Variants in ANXA11 observed in about 807,000 individuals in gnomAD.
ANXA11 encodes the protein 56 kDa autoantigen.
ANXA11 carries 57 observed loss-of-function variants against 64.7 expected under a neutral mutation model. The observed-to-expected ratio is 0.88, with a 90% CI of 0.71 to 1.10. The LOEUF (loss-of-function observed/expected upper bound fraction) is 1.10. ANXA11 is among the 50% of genes least tolerant of loss of function. The probability of loss-of-function intolerance (pLI) is 0.00; values close to 1 mark genes in which losing one functional copy is unlikely to be tolerated. For synonymous variants in ANXA11, 260 were observed against 265.2 expected, an observed-to-expected ratio of 0.98 and a Z score of 0.19; for missense variants, 675 against 670.7, an observed-to-expected ratio of 1.01 and a Z score of -0.07.
chr10:80,159,800 A>T (rs1480748230), intron 12 of ANXA11, among the ~76,000 whole-genome samples: 1 of 152,128 alleles, frequency 6.6e-6, no homozygotes, highest in Non-Finnish European at 1.5e-5. Context: ...ATACCCCTCC[A>T]GGGCCCACTC....
intron 1 of ANXA11, among the ~76,000 whole-genome samples, chr10:80,200,437 G>C (rs2132508743): frequency 6.6e-6 from 1 of 152,306 alleles, no homozygotes; most frequent in South Asian, 2.1e-4. Flanking sequence ...AAAGACCAAA[G>C]GCATTAAATA....
chr10:80,171,765 C>T (rs901123713), intron 3 of ANXA11: 1 of 985,552 alleles, frequency 1.0e-6, no homozygotes. Context: ...AATTTCCTGC[C>T]TCCTCCTCTC....
chr10:80,182,187 T>A (rs1464803240), intron 1 of ANXA11, among the ~76,000 whole-genome samples: 1 of 138,112 alleles, frequency 7.2e-6, no homozygotes, highest in Non-Finnish European at 1.6e-5. Context: ...TATACCACTG[T>A]GGTGGGAGTG....
chr10:80,175,359 G>A (rs1001372043), intron 2 of ANXA11, among the ~76,000 whole-genome samples: 1 of 152,080 alleles, frequency 6.6e-6, no homozygotes, highest in African/African-American at 2.4e-5. Context: ...ACACCACTAG[G>A]CAGGACCTTT....
Position 80,202,210 on chromosome 10 carries a change from G to A in ANXA11, c.-58+3133C>T, listed in dbSNP as rs142273815. ...AACTGTTCTGTGGGGGGGAAGCGGG[G>A]GGTCTCTGTGTGGCTGGGTGGCTTG... On this transcript the variant is annotated intron_variant, in intron 1 of 15. Coordinates refer to ENST00000422982, the MANE Select transcript of ANXA11 (RefSeq NM_145868.2). 2.2e-3 allele frequency among the ~76,000 whole-genome samples: 335 copies of A among 151,584 alleles called. 6 individuals are homozygous for A. Among genetic ancestry groups the A allele is most frequent in the Admixed American group, 0.017 (260 of 15,250 alleles).
In ANXA11 at chr10:80,169,247, AG is replaced by A. The variant is rs759677084; in HGVS notation, c.282del (p.Ser95LeufsTer56). The A allele has an allele frequency of 6.2e-6, 10 of 1,611,740 alleles. No individual in the cohort carries two copies. Among genetic ancestry groups the A allele is most frequent in the Non-Finnish European group, 8.5e-6 (10 of 1,179,512 alleles). On this transcript the variant is annotated frameshift_variant, in exon 5 of 16. Transcript: ENST00000422982. LOFTEE classifies it high-confidence loss of function. ...PVPPGGFGQPPSAQQPVPPYG... is the reference protein window; with the variant it reads ...PVPPGGFGQPXSAQQPVPPYG... ...TAGGGAGGAACAGGCTGCTGGGCAG[AG>A]GGGGGCTGCCCAAAGCCGCCAGGGG...
chr10:80,167,124 C>A, intron 6 of ANXA11, 102 bp downstream of exon 6: 1 of 1,324,314 alleles, frequency 7.6e-7, no homozygotes, highest in Non-Finnish European at 1.1e-6. Context: ...CCACTGGGGC[C>A]AGGTCAGCGT....
Position 80,166,967 on chromosome 10 carries a change from T to G in ANXA11, c.667A>C (p.Ile223Leu). ...GAGCGACTCCCCAGGCAGTCAATGA[T>G]GGCCTGCTCATCCGTCCCTGGAGGA... ...MKGFGTDEQA[I>L]IDCLGSRSNK... The change falls in exon 7 of 16, where the codon ATC becomes CTC. Residue 223 changes from isoleucine (I) to leucine (L), a missense_variant. Coordinates refer to ENST00000422982, the MANE Select transcript of ANXA11 (RefSeq NM_145868.2). 6.2e-7 allele frequency: 1 copy of G among 1,603,470 alleles called. No individual in the cohort carries two copies. Among genetic ancestry groups the G allele is most frequent in the East Asian group, 2.3e-5 (1 of 44,362 alleles).
intron 12 of ANXA11, among the ~76,000 whole-genome samples, 191 bp downstream of exon 12, chr10:80,161,744 A>G (rs1845515598): frequency 6.6e-6 from 1 of 152,252 alleles, no homozygotes. Flanking sequence ...TAGAACCTCC[A>G]GAACTGGATG....
Position 80,167,315 on chromosome 10 carries a change from T to C in ANXA11, c.562-2A>G, listed in dbSNP as rs1190078668. On this transcript the variant is annotated splice_acceptor_variant, in intron 5 of 15. Transcript: ENST00000422982. LOFTEE classifies it high-confidence loss of function. ...AGTGATGGTGCCTCGGCTTCCAAAC[T>C]ACTCGGACAAACAGTCTCAGGTAAG... 1.2e-6 allele frequency: 2 copies of C among 1,613,968 alleles called. No homozygotes were observed. The highest frequency in any genetic ancestry group is 1.7e-6 in the Non-Finnish European group (2 of 1,179,888).
intron 1 of ANXA11, among the ~76,000 whole-genome samples, chr10:80,183,408 T>A (rs1400326315): frequency 2.6e-5 from 4 of 152,212 alleles, no homozygotes; most frequent in African/African-American, 9.6e-5. Flanking sequence ...GATCTCAGGA[T>A]TTCTGAAGGG....
intron 1 of ANXA11, among the ~76,000 whole-genome samples, chr10:80,185,956 AACTTCATTACAT>A (rs1377206705): frequency 6.6e-5 from 10 of 152,212 alleles, no homozygotes; most frequent in African/African-American, 2.4e-4. Context: ...CACTGTATGA[AACTTCATTACAT>A]ACTTCATTAA....
intron 1 of ANXA11, among the ~76,000 whole-genome samples, chr10:80,196,664 C>T (rs1014760595): frequency 1.8e-4 from 27 of 152,164 alleles, no homozygotes; most frequent in African/African-American, 6.0e-4. Flanking sequence ...GTCACAGGTG[C>T]CATTAAGTCA....
Position 80,154,592 on chromosome 10 carries a change from T to C in ANXA11, c.*1261A>G, listed in dbSNP as rs1845218592. Reference sequence around the variant, plus strand: ...AAAAGGAGTGGGTGGAGACCCCTGATGCAAGGTAAGCTCTAGCTTCTGGAC... The same window carrying C: ...AAAAGGAGTGGGTGGAGACCCCTGACGCAAGGTAAGCTCTAGCTTCTGGAC... On this transcript the variant is annotated 3_prime_UTR_variant, in exon 16 of 16. Transcript: ENST00000422982. 6.6e-6 allele frequency: 1 copy of C among 152,386 alleles called. No individual in the cohort carries two copies. Among genetic ancestry groups the C allele is most frequent in the East Asian group, 1.9e-4 (1 of 5,178 alleles). The allele number at this position is 152,386 out of a possible 1,614,324, so 9.4% of individuals were successfully genotyped here.
chr10:80,197,209 T>G (rs1470329804), intron 1 of ANXA11, among the ~76,000 whole-genome samples: 1 of 152,168 alleles, frequency 6.6e-6, no homozygotes, highest in African/African-American at 2.4e-5. Flanking sequence ...GCCAGTGCAT[T>G]ATGAACCAGG....
intron 1 of ANXA11, among the ~76,000 whole-genome samples, chr10:80,188,977 G>A (rs1031931368): frequency 5.3e-5 from 8 of 152,106 alleles, no homozygotes; most frequent in African/African-American, 1.9e-4. Context: ...GGTAGAGGGA[G>A]GGCTTTTCAG....
chr10:80,205,578 A>C (rs962515074), upstream of ANXA11: 2 of 151,668 alleles, frequency 1.3e-5, no homozygotes, highest in African/African-American at 2.4e-5. Context: ...AGTGCAAGGG[A>C]GGGGCGGGGC....
chr10:80,162,320 T>C (rs2132381004), intron 11 of ANXA11, among the ~76,000 whole-genome samples: 1 of 152,338 alleles, frequency 6.6e-6, no homozygotes, highest in South Asian at 2.1e-4. Context: ...AAAAGTGGCA[T>C]GCAAAACTCT....
intron 8 of ANXA11, among the ~76,000 whole-genome samples, chr10:80,165,765 T>G (rs1450949925): frequency 6.6e-6 from 1 of 152,160 alleles, no homozygotes; most frequent in Non-Finnish European, 1.5e-5. Flanking sequence ...CTCCTACCCC[T>G]CTTCTTACCA....
Sources: gnomAD v4.1 joint callset for allele counts (sites outside exome capture counted in the v4.1 genomes callset) on GRCh38, gnomAD v4.1.1 for gene constraint, MANE v1.5 for transcripts, NCBI Gene and HGNC (gene_info 2026-07-23, HGNC 2026-07-21) for gene names.